The following SLC24A2 variants were observed in gnomAD, a reference collection of about 807,000 sequenced individuals.
The protein encoded by SLC24A2 is sodium/potassium/calcium exchanger 2.
A neutral mutation model predicts 62.0 loss-of-function variants in SLC24A2; 36 were observed. The ratio of observed to expected loss-of-function variants is 0.58; its 90% confidence interval spans 0.44 to 0.77. SLC24A2 has a LOEUF of 0.77. Among genes scored for constraint, SLC24A2 ranks in the 30% least tolerant of loss-of-function variants. The pLI, the probability that SLC24A2 is intolerant of heterozygous loss-of-function variation, is 0.00. For missense variants in SLC24A2, 846 were observed against 817.9 expected (o/e 1.03, Z -0.42); for synonymous variants, 358 against 294.0 (o/e 1.22, Z -2.23).
chr9:19,533,144 A>G (rs1263438600), intron 8 of SLC24A2, among the ~76,000 whole-genome samples: 1 of 152,178 alleles, frequency 6.6e-6, no homozygotes, highest in Non-Finnish European at 1.5e-5. Flanking sequence ...AGTACTATAT[A>G]CTCTGAAACT....
At chr9:19,781,408 C>A (rs1464508275) in intron 2 of SLC24A2, among the ~76,000 whole-genome samples, 1 of 152,136 alleles carries the variant, frequency 6.6e-6, no homozygotes, top group East Asian at 1.9e-4. Flanking sequence ...AATGGTGACT[C>A]CAGTTCTCTA....
At chr9:19,921,541 T>G in the SLC24A2 span, among the ~76,000 whole-genome samples, 3 of 149,280 alleles carry the variant, frequency 2.0e-5, no homozygotes, top group Middle Eastern at 3.2e-3. Flanking sequence ...AAAAAAAAAT[T>G]TAGAACTTAC....
At chr9:19,575,132 T>C (rs567986713) in intron 6 of SLC24A2, among the ~76,000 whole-genome samples, 1 of 152,190 alleles carries the variant, frequency 6.6e-6, no homozygotes, top group African/African-American at 2.4e-5. Context: ...TATAGACACA[T>C]GAATAGATTT....
At chr9:20,157,329 A>T in the SLC24A2 span, among the ~76,000 whole-genome samples, 2 of 151,650 alleles carry the variant, frequency 1.3e-5, no homozygotes, top group Admixed American at 1.3e-4. Flanking sequence ...CAAATTACCC[A>T]CAAGAAATAA....
chr9:20,119,731 G>T, the SLC24A2 span, among the ~76,000 whole-genome samples: 2 of 152,120 alleles, frequency 1.3e-5, no homozygotes, highest in Admixed American at 6.6e-5. Flanking sequence ...TTTCTGTTCA[G>T]CATTGTACAG....
the SLC24A2 span, among the ~76,000 whole-genome samples, chr9:20,269,283 G>A: frequency 6.6e-6 from 1 of 152,096 alleles, no homozygotes; most frequent in East Asian, 1.9e-4. Flanking sequence ...TTTTATCCCT[G>A]TTGTATAGGT....
the SLC24A2 span, among the ~76,000 whole-genome samples, chr9:20,049,539 A>C: frequency 6.6e-6 from 1 of 150,670 alleles, no homozygotes; most frequent in Non-Finnish European, 1.5e-5. Flanking sequence ...ACTCACACAC[A>C]ACTAATCACT....
chr9:19,539,087 T>C (rs1211016634), intron 8 of SLC24A2, among the ~76,000 whole-genome samples: 4 of 74,922 alleles, frequency 5.3e-5, no homozygotes, highest in South Asian at 1.1e-3. Flanking sequence ...TATTTGATTC[T>C]TCTCTCTTTT....
chr9:19,521,692 C>T (rs1719886103), intron 9 of SLC24A2, among the ~76,000 whole-genome samples: 1 of 152,150 alleles, frequency 6.6e-6, no homozygotes, highest in African/African-American at 2.4e-5. Flanking sequence ...TGACATTTTG[C>T]TTACTGTACC....
At chr9:20,071,168 C>T in the SLC24A2 span, among the ~76,000 whole-genome samples, 1 of 152,172 alleles carries the variant, frequency 6.6e-6, no homozygotes, top group African/African-American at 2.4e-5. Context: ...GCTTCCTGCA[C>T]AGCCTTCAGA....
At chr9:19,655,702 C>A (rs1564020640) in intron 2 of SLC24A2, among the ~76,000 whole-genome samples, 1 of 152,146 alleles carries the variant, frequency 6.6e-6, no homozygotes, top group Non-Finnish European at 1.5e-5. Flanking sequence ...TGAATTCAGT[C>A]ATATAAACTT....
chr9:19,791,544 T>G (rs1823320622), upstream of SLC24A2, among the ~76,000 whole-genome samples: 1 of 152,228 alleles, frequency 6.6e-6, no homozygotes, highest in Admixed American at 6.5e-5. Flanking sequence ...GATTTGACAG[T>G]TGACCAAGAA....
chr9:19,552,042 G>A (rs1180911915), intron 7 of SLC24A2, among the ~76,000 whole-genome samples: 3 of 152,178 alleles, frequency 2.0e-5, no homozygotes, highest in South Asian at 2.1e-4. Context: ...TAATAAGGCA[G>A]CATCAGGAAG....
At chr9:20,157,812 T>C in the SLC24A2 span, among the ~76,000 whole-genome samples, 2 of 151,720 alleles carry the variant, frequency 1.3e-5, no homozygotes, top group African/African-American at 4.8e-5. Flanking sequence ...CCTGTTTCCA[T>C]CACCATTAGC....
Position 19,515,920 on chromosome 9 carries a change from G to C in SLC24A2, c.*233C>G, listed in dbSNP as rs1478789599. On this transcript the variant is annotated 3_prime_UTR_variant, in exon 11 of 11. Transcript: ENST00000341998. ...TCAGTGGTGAATAGGGAGAAGCCCT[G>C]TATTGACGGTTCTCTTTGTCTTTTA... The C allele has an allele frequency of 1.8e-6, 1 of 545,142 alleles. No individual in the cohort carries two copies. The highest frequency in any genetic ancestry group is 3.3e-6 in the Non-Finnish European group (1 of 302,478). The allele number at this position is 545,142 out of a possible 1,614,324, so 33.8% of individuals were successfully genotyped here.
chr9:19,921,367 C>T, the SLC24A2 span, among the ~76,000 whole-genome samples: 1 of 151,452 alleles, frequency 6.6e-6, no homozygotes. Flanking sequence ...ACTAAAAATA[C>T]AAAAAATTAC....
chr9:20,091,555 T>C, the SLC24A2 span, among the ~76,000 whole-genome samples: 1 of 151,956 alleles, frequency 6.6e-6, no homozygotes, highest in South Asian at 2.1e-4. Flanking sequence ...TTCAAAATTC[T>C]TGAAGGAAAA....
the SLC24A2 span, among the ~76,000 whole-genome samples, chr9:19,818,530 C>G: frequency 6.6e-6 from 1 of 152,080 alleles, no homozygotes; most frequent in Admixed American, 6.6e-5. Context: ...TTAATGTACA[C>G]AAATCAGTAG....
intron 2 of SLC24A2, among the ~76,000 whole-genome samples, chr9:19,756,012 T>C (rs1318909167): frequency 6.6e-6 from 1 of 152,182 alleles, no homozygotes; most frequent in Non-Finnish European, 1.5e-5. Flanking sequence ...CAGTGAGCTA[T>C]CATGATCAGG....
Sources: allele counts gnomAD v4.1 joint callset (sites outside exome capture counted in the v4.1 genomes callset), GRCh38; gene constraint gnomAD v4.1.1; transcripts MANE v1.5; gene names NCBI Gene and HGNC (gene_info 2026-07-23, HGNC 2026-07-21).